The following STX7 variants were observed in gnomAD, a reference collection of about 807,000 sequenced individuals.
The protein encoded by STX7 is syntaxin 7.
Under a neutral mutation model 39.6 loss-of-function variants are expected in STX7, and 34 were observed. The ratio of observed to expected loss-of-function variants is 0.86; its 90% CI spans 0.65 to 1.14. STX7 has a LOEUF of 1.14. Among genes scored for constraint, STX7 ranks in the 50% most tolerant of loss-of-function variants. The pLI is 0.00. For missense variants in STX7, 284 were observed against 310.4 expected (o/e 0.92, Z 0.64); for synonymous variants, 119 against 99.1 (o/e 1.20, Z -1.19).
At chr6:132,492,572 A>T (rs1195543374) in intron 2 of STX7, among the ~76,000 whole-genome samples, 1 of 152,052 alleles carries the variant, frequency 6.6e-6, no homozygotes, top group Non-Finnish European at 1.5e-5. Flanking sequence ...CACAAGTAAC[A>T]CCCTGGTACA....
At chr6:132,476,580 G>C (rs1174664650) in intron 2 of STX7, among the ~76,000 whole-genome samples, 1 of 151,924 alleles carries the variant, frequency 6.6e-6, no homozygotes, top group Non-Finnish European at 1.5e-5. Flanking sequence ...AAAATCATAG[G>C]GACAACTGGA....
rs551473974 is a variant in STX7 at position 132,448,427 on chromosome 6, T to G, written c.*12331A>C. 2 of 152,212 alleles carry G rather than the reference T, an allele frequency of 1.3e-5. No homozygotes were observed. Among genetic ancestry groups the G allele is most frequent in the Non-Finnish European group, 2.9e-5 (2 of 68,048 alleles). The allele number at this position is 152,212 out of a possible 1,614,324, so 9.4% of individuals were successfully genotyped here. A position where few individuals can be genotyped will look rare whatever the true frequency, so the allele number is the denominator to read the frequency against. Reference sequence around the variant, plus strand: ...CATTTTGAGAAAAAAGTGTTTTTAATATACCCTTGATTTTGAAAGATAATT... The same window carrying G: ...CATTTTGAGAAAAAAGTGTTTTTAAGATACCCTTGATTTTGAAAGATAATT... On this transcript the variant is annotated 3_prime_UTR_variant, in exon 10 of 10. Transcript: ENST00000367941.
intron 3 of STX7, among the ~76,000 whole-genome samples, chr6:132,474,769 T>C (rs921535760): frequency 5.3e-5 from 8 of 152,206 alleles, no homozygotes; most frequent in South Asian, 2.1e-4. Flanking sequence ...ATCCACAACA[T>C]ACCACAGACA....
At chr6:132,494,064 C>T (rs9493334) in intron 2 of STX7, among the ~76,000 whole-genome samples, 4,517 of 152,234 alleles carry the variant, frequency 0.03, 224 homozygotes, top group African/African-American at 0.1. Context: ...GTCACCATGA[C>T]ACTTTATCTA....
chr6:132,488,934 G>A (rs191684428), intron 2 of STX7, among the ~76,000 whole-genome samples: 1 of 152,232 alleles, frequency 6.6e-6, no homozygotes, highest in East Asian at 1.9e-4. Flanking sequence ...AGGCGCAGTG[G>A]CTCGTGCCTG....
chr6:132,461,654 GAGTTTCC>G, intron 9 of STX7: 1 of 606,182 alleles, frequency 1.6e-6, no homozygotes, highest in Non-Finnish European at 2.8e-6. Context: ...ATTTTGGAAT[GAGTTTCC>G]AAAATCATTC....
intron 3 of STX7, among the ~76,000 whole-genome samples, chr6:132,472,587 G>T (rs1211976797): frequency 6.6e-6 from 1 of 152,182 alleles, no homozygotes; most frequent in Non-Finnish European, 1.5e-5. Context: ...CTCACACAGG[G>T]TAGGCAAGCT....
At chr6:132,468,239 G>C (rs1435677220) in intron 8 of STX7, among the ~76,000 whole-genome samples, 164 bp downstream of exon 8, 1 of 152,176 alleles carries the variant, frequency 6.6e-6, no homozygotes, top group East Asian at 1.9e-4. Flanking sequence ...ATCTGTTTTA[G>C]ATAATGCCAA....
Position 132,450,369 on chromosome 6 carries a change from T to G in STX7, c.*10389A>C, listed in dbSNP as rs947894421. ...TATATTGGCATAAAGTTGTTTATAGTGTCTTATTATTTTAAAATCTATGTT... is the reference window on the plus strand; with the variant it reads ...TATATTGGCATAAAGTTGTTTATAGGGTCTTATTATTTTAAAATCTATGTT... On this transcript the variant is annotated 3_prime_UTR_variant, in exon 10 of 10. Transcript: ENST00000367941. The G allele has an allele frequency of 6.6e-6, 1 of 152,186 alleles. No individual in the cohort carries two copies. Among genetic ancestry groups the G allele is most frequent in the African/African-American group, 2.4e-5 (1 of 41,454 alleles). The allele number at this position is 152,186 out of a possible 1,614,324, so 9.4% of individuals were successfully genotyped here. A position where few individuals can be genotyped will look rare whatever the true frequency, so the allele number is the denominator to read the frequency against.
intron 2 of STX7, among the ~76,000 whole-genome samples, chr6:132,476,911 G>C (rs1774889901): frequency 6.6e-6 from 1 of 152,010 alleles, no homozygotes; most frequent in East Asian, 1.9e-4. Context: ...AAAATCCAAA[G>C]AACTCTTAAC....
rs1168015230 is a variant in STX7 at position 132,458,644 on chromosome 6, C to T, written c.*2114G>A. The T allele has an allele frequency of 4.6e-5, 7 of 152,174 alleles. No individual in the cohort carries two copies. The East Asian group carries it at 1.3e-3, about 29-fold the overall frequency. 9.4% of individuals were successfully genotyped at this position (152,174 alleles called of 1,614,324 possible). Reference sequence around the variant, plus strand: ...CTTTTCACAGCAGTTCTAAAACTGACCTACAGAAAAGTTCAAGATTTTTTA... The same window carrying T: ...CTTTTCACAGCAGTTCTAAAACTGATCTACAGAAAAGTTCAAGATTTTTTA... On this transcript the variant is annotated 3_prime_UTR_variant, in exon 10 of 10. Coordinates refer to ENST00000367941, the MANE Select transcript of STX7 (RefSeq NM_003569.3).
At chr6:132,484,412 T>A (rs1398815461) in intron 2 of STX7, among the ~76,000 whole-genome samples, 2 of 152,142 alleles carry the variant, frequency 1.3e-5, no homozygotes, top group Non-Finnish European at 2.9e-5. Context: ...AATTGTAGGC[T>A]GAATTTGGTA....
Position 132,471,613 on chromosome 6 carries a change from G to C in STX7, c.250-13C>G. The C allele has an allele frequency of 6.2e-7, 1 of 1,605,272 alleles. No individual in the cohort carries two copies. Among genetic ancestry groups the C allele is most frequent in the African/African-American group, 1.3e-5 (1 of 74,324 alleles). Reference sequence around the variant, plus strand: ...TTTTCCTTTGACGCTAGAGGAAAGAGAAGAAAAAGCCAACTAGAATCTAGC... The same window carrying C: ...TTTTCCTTTGACGCTAGAGGAAAGACAAGAAAAAGCCAACTAGAATCTAGC... On this transcript the variant is annotated splice_polypyrimidine_tract_variant and intron_variant, in intron 4 of 9. Transcript: ENST00000367941.
At chr6:132,479,462 T>C (rs1310250603) in intron 2 of STX7, among the ~76,000 whole-genome samples, 2 of 152,210 alleles carry the variant, frequency 1.3e-5, no homozygotes, top group East Asian at 3.8e-4. Context: ...GCCTTGCTAC[T>C]GAGCCCTGGA....
chr6:132,476,171 C>G (rs973986562), intron 2 of STX7, among the ~76,000 whole-genome samples: 5 of 151,988 alleles, frequency 3.3e-5, no homozygotes, highest in Non-Finnish European at 7.4e-5. Flanking sequence ...CTTAAATTAC[C>G]ACCACACAGA....
At chr6:132,467,184 C>G (rs6935785) in intron 8 of STX7, among the ~76,000 whole-genome samples, 2 of 151,920 alleles carry the variant, frequency 1.3e-5, no homozygotes, top group Non-Finnish European at 2.9e-5. Context: ...ATCTTCCTAC[C>G]TGACATCATC....
Position 132,509,192 on chromosome 6 carries a change from G to T in STX7, c.-59+3815C>A, listed in dbSNP as rs938871930. On this transcript the variant is annotated intron_variant, in intron 1 of 9. Transcript: ENST00000367941. ...AACCAAATTTGGGCTGGGCGCGGTG[G>T]CTCACGCCTGTAATCCCGGAACTTT... 6.6e-5 allele frequency among the ~76,000 whole-genome samples: 10 copies of T among 152,218 alleles called. No homozygotes were observed. The East Asian group carries it at 1.7e-3, about 26-fold the overall frequency.
At chr6:132,461,304 TATTTC>T (rs1156582946) in intron 9 of STX7, among the ~76,000 whole-genome samples, 1 of 151,858 alleles carries the variant, frequency 6.6e-6, no homozygotes, top group Non-Finnish European at 1.5e-5. Context: ...TCTTCACATA[TATTTC>T]TTTTCTTTTT....
rs1320289194 is a variant in STX7, at chr6:132,448,627, G to C, written c.*12131C>G. On this transcript the variant is annotated 3_prime_UTR_variant, in exon 10 of 10. Transcript: ENST00000367941. Reference sequence around the variant, plus strand: ...AGGCAGGTAGATCACCTGAAGTCAGGAGTTCGAGAACAGCCTGGCCAACAT... The same window carrying C: ...AGGCAGGTAGATCACCTGAAGTCAGCAGTTCGAGAACAGCCTGGCCAACAT... 6.6e-6 allele frequency: 1 copy of C among 152,084 alleles called. No homozygotes were observed. Among genetic ancestry groups the C allele is most frequent in the Non-Finnish European group, 1.5e-5 (1 of 68,084 alleles). 9.4% of individuals were successfully genotyped at this position (152,084 alleles called of 1,614,324 possible). A position where few individuals can be genotyped will look rare whatever the true frequency, so the allele number is the denominator to read the frequency against.
Sources: allele counts gnomAD v4.1 joint callset (sites outside exome capture counted in the v4.1 genomes callset), GRCh38; gene constraint gnomAD v4.1.1; transcripts MANE v1.5; gene names NCBI Gene and HGNC (gene_info 2026-07-23, HGNC 2026-07-21).